Variants in LTBP2 observed in about 807,000 individuals in gnomAD.
LTBP2 encodes latent-transforming growth factor beta-binding protein 2.
Under a neutral mutation model 210.6 loss-of-function variants are expected in LTBP2, and 103 were observed. The observed-to-expected ratio is 0.49, with a 90% CI of 0.42 to 0.58. The LOEUF (loss-of-function observed/expected upper bound fraction) is 0.58. LTBP2 is among the 20% of genes least tolerant of loss of function. The pLI is 0.00. For synonymous variants in LTBP2, 1,007 were observed against 1,015.0 expected, an observed-to-expected ratio of 0.99 and a Z score of 0.15; for missense variants, 2,313 against 2,494.5, an observed-to-expected ratio of 0.93 and a Z score of 1.55.
chr14:74,606,123 A>C (rs917866984), intron 1 of LTBP2, among the ~76,000 whole-genome samples: 3 of 152,204 alleles, frequency 2.0e-5, no homozygotes, highest in African/African-American at 7.2e-5. Context: ...ATCTGAGTCC[A>C]GTCTTCCAGT....
rs2087011371 is a variant in LTBP2, at chr14:74,507,917, G to A, written c.3775+56C>T. On this transcript the variant is annotated intron_variant, in intron 25 of 35. Transcript: ENST00000261978. ...CTCCATGGGAGCTAAGGACCAGGCA[G>A]TGTAGAGATGGGCAGATGTGGGCAG... The A allele has an allele frequency of 1.9e-6, 3 of 1,609,058 alleles. 1 individual carries two copies. In the South Asian group the frequency reaches 3.3e-5, roughly 18 times the overall value.
chr14:74,561,569 G>A (rs563846667), intron 3 of LTBP2, among the ~76,000 whole-genome samples: 2 of 152,304 alleles, frequency 1.3e-5, no homozygotes, highest in South Asian at 2.1e-4. Context: ...AAGAATGAGA[G>A]TGTCTGTGTG....
chr14:74,537,367 C>G (rs766861166), intron 8 of LTBP2, among the ~76,000 whole-genome samples: 12 of 152,218 alleles, frequency 7.9e-5, no homozygotes, highest in Non-Finnish European at 1.5e-4. Flanking sequence ...TCTGACAATT[C>G]TTTTGCCTAT....
At chr14:74,527,037 G>A (rs1014554987) in intron 13 of LTBP2, among the ~76,000 whole-genome samples, 1 of 152,202 alleles carries the variant, frequency 6.6e-6, no homozygotes, top group Non-Finnish European at 1.5e-5. Context: ...CTTAAAGCTT[G>A]AGTGACAGCC....
At chr14:74,538,498 G>A (rs966408917) in intron 8 of LTBP2, among the ~76,000 whole-genome samples, 1 of 79,110 alleles carries the variant, frequency 1.3e-5, no homozygotes, top group Non-Finnish European at 3.7e-5. Context: ...TCTCCATTTT[G>A]TGTGGGTTAG....
At chr14:74,503,183 C>G (rs2086934697) in intron 33 of LTBP2, 36 bp downstream of exon 33, 12 of 1,610,900 alleles carry the variant, frequency 7.4e-6, no homozygotes, top group Non-Finnish European at 9.3e-6. Context: ...GGGGCCTGGC[C>G]CAGCCCTGCA....
In LTBP2 at chr14:74,506,820, ATGTC is replaced by A; in HGVS notation, c.3908-1_3910del. 5 of 1,613,598 alleles carry A rather than the reference ATGTC, an allele frequency of 3.1e-6. No homozygotes were observed. Among genetic ancestry groups the A allele is most frequent in the Middle Eastern group, 1.7e-4 (1 of 6,056 alleles). On this transcript the variant is annotated splice_acceptor_variant and coding_sequence_variant, in exon 27 of 36. Coordinates refer to ENST00000261978, the MANE Select transcript of LTBP2 (RefSeq NM_000428.3). LOFTEE classifies it high-confidence loss of function. ...CATGGTGTCGTTGGCGCACTCGTCT[ATGTC>A]TGTGGGACAGTGGGAACCAGGATAG...
chr14:74,552,862 G>A, intron 5 of LTBP2, 30 bp downstream of exon 5: 6 of 1,603,476 alleles, frequency 3.7e-6, no homozygotes. Context: ...AGGGCCAGCT[G>A]GGAACCATCT....
At position 74,552,972 on chromosome 14, in the gene LTBP2, T is replaced by C. The variant is rs2087680594; in HGVS notation, c.1112A>G (p.Asn371Ser). ...KQTCARGHCA[N>S]SCERGDTTTL... The stretch of plus-strand genomic sequence containing the variant: ...GGTGGTGTCGCCCCTCTCACAGCTG[T>C]TGGCACAGTGTCCACGGGCACAGGT... The change falls in exon 5 of 36, where the codon AAC (asparagine) becomes AGC (serine). Residue 371 changes from asparagine to serine, a missense_variant. Physicochemically the swap from Asn to Ser is conservative, Grantham distance 46. Transcript: ENST00000261978. 1 of 1,613,998 alleles carries C rather than the reference T, an allele frequency of 6.2e-7. No individual in the cohort carries two copies. Among genetic ancestry groups the C allele is most frequent in the African/African-American group, 1.3e-5 (1 of 74,928 alleles).
At position 74,498,824 on chromosome 14, in the gene LTBP2, T is replaced by C. The variant is rs1877600053; in HGVS notation, c.*2060A>G. The C allele has an allele frequency of 4.3e-6, 1 of 230,028 alleles. No individual in the cohort carries two copies. The highest frequency in any genetic ancestry group is 2.2e-5 in the African/African-American group (1 of 45,186). The allele number at this position is 230,028 out of a possible 1,614,324, so 14.2% of individuals were successfully genotyped here. ...AATAGTGTTATGTTACATGCTGTTA[T>C]GCAACCCTCCCTTTTCCCCTTAATT... is the stretch of plus-strand genomic sequence containing the variant. On this transcript the variant is annotated 3_prime_UTR_variant, in exon 36 of 36. Coordinates refer to ENST00000261978, the MANE Select transcript of LTBP2 (RefSeq NM_000428.3).
intron 25 of LTBP2, 105 bp from the exon 26 acceptor site, chr14:74,507,415 A>G: frequency 6.7e-7 from 1 of 1,496,328 alleles, no homozygotes; most frequent in Non-Finnish European, 9.3e-7. Context: ...ATCTATTCCA[A>G]ATTACTGTGC....
At chr14:74,519,659 G>A (rs1242753868) in intron 17 of LTBP2, among the ~76,000 whole-genome samples, 1 of 152,116 alleles carries the variant, frequency 6.6e-6, no homozygotes, top group East Asian at 1.9e-4. Context: ...TGGTACCCAA[G>A]CCCCACTGGG....
intron 8 of LTBP2, among the ~76,000 whole-genome samples, chr14:74,543,465 A>G (rs915446785): frequency 1.0e-4 from 15 of 147,964 alleles, no homozygotes; most frequent in African/African-American, 3.8e-4. Flanking sequence ...AATAAATGTC[A>G]GACTGAACCT....
At chr14:74,519,429 A>C (rs2087174492) in intron 17 of LTBP2, among the ~76,000 whole-genome samples, 1 of 152,046 alleles carries the variant, frequency 6.6e-6, no homozygotes, top group African/African-American at 2.4e-5. Flanking sequence ...ATGTATGAAG[A>C]GATGCTTACA....
At chr14:74,562,876 T>C (rs772084542) in intron 3 of LTBP2, among the ~76,000 whole-genome samples, 8 of 152,226 alleles carry the variant, frequency 5.3e-5, no homozygotes, top group Admixed American at 4.6e-4. Flanking sequence ...CACATCCCAA[T>C]GCATCTGTGC....
intron 3 of LTBP2, among the ~76,000 whole-genome samples, chr14:74,582,115 G>A (rs2139783968): frequency 6.6e-6 from 1 of 151,528 alleles, no homozygotes; most frequent in East Asian, 1.9e-4. Context: ...CACCTCCTGG[G>A]TTCAAGTGAT....
intron 21 of LTBP2, 110 bp from the exon 22 acceptor site, chr14:74,509,473 C>G: frequency 6.6e-7 from 1 of 1,509,348 alleles, no homozygotes; most frequent in Non-Finnish European, 9.1e-7. Context: ...TTTCCTAAAA[C>G]CCCCTCCCTA....
intron 3 of LTBP2, 53 bp from the exon 4 acceptor site, chr14:74,555,746 T>A: frequency 7.5e-7 from 1 of 1,340,268 alleles, no homozygotes; most frequent in Non-Finnish European, 9.9e-7. Context: ...AGTGTGTCTG[T>A]GCCACTCCTC....
At chr14:74,542,276 C>G (rs1286611389) in intron 8 of LTBP2, among the ~76,000 whole-genome samples, 1 of 152,248 alleles carries the variant, frequency 6.6e-6, no homozygotes, top group Non-Finnish European at 1.5e-5. Context: ...AAGAAAGAAG[C>G]AGATGGGCCC....
Sources: gnomAD v4.1 joint callset for allele counts (sites outside exome capture counted in the v4.1 genomes callset) on GRCh38, gnomAD v4.1.1 for gene constraint, MANE v1.5 for transcripts, NCBI Gene and HGNC (gene_info 2026-07-23, HGNC 2026-07-21) for gene names.